Variants in SLC9A9 observed in about 807,000 individuals in gnomAD.
SLC9A9 encodes the protein solute carrier family 9 member A9.
Under a neutral mutation model 77.8 loss-of-function variants are expected in SLC9A9, and 62 were observed. That is an observed-to-expected ratio of 0.80 (90% confidence interval 0.65 to 0.98). The LOEUF is 0.98. Among genes scored for constraint, SLC9A9 ranks in the 50% least tolerant of loss-of-function variants. The pLI is 0.00. For missense variants in SLC9A9, 775 were observed against 774.9 expected, an observed-to-expected ratio of 1.00 and a Z score of 0.00; for synonymous variants, 320 against 283.5, an observed-to-expected ratio of 1.13 and a Z score of -1.29.
chr3:143,410,101 C>G (rs1235637657), intron 12 of SLC9A9, among the ~76,000 whole-genome samples: 1 of 152,140 alleles, frequency 6.6e-6, no homozygotes, highest in East Asian at 1.9e-4. Flanking sequence ...ACTCCCTGTC[C>G]CAATCTCCTA....
intron 5 of SLC9A9, among the ~76,000 whole-genome samples, chr3:143,690,490 TG>T: frequency 6.6e-6 from 1 of 152,152 alleles, no homozygotes; most frequent in East Asian, 1.9e-4. Context: ...CTAGGTGGGG[TG>T]CAGGAAATAC....
At chr3:143,804,703 A>C (rs924992159) in intron 2 of SLC9A9, among the ~76,000 whole-genome samples, 1 of 152,080 alleles carries the variant, frequency 6.6e-6, no homozygotes, top group African/African-American at 2.4e-5. Context: ...TGTTCCCCTC[A>C]TGACACCAAC....
At chr3:143,335,922 C>G (rs1007530069) in intron 14 of SLC9A9, among the ~76,000 whole-genome samples, 5 of 152,076 alleles carry the variant, frequency 3.3e-5, no homozygotes, top group African/African-American at 4.8e-5. Context: ...ACTACATCTT[C>G]TACATAAATT....
chr3:143,365,683 G>C (rs1207963906), intron 13 of SLC9A9, among the ~76,000 whole-genome samples: 3 of 152,056 alleles, frequency 2.0e-5, no homozygotes, highest in East Asian at 1.9e-4. Context: ...AGGAAACCAG[G>C]GTGTCTGGTT....
intron 12 of SLC9A9, among the ~76,000 whole-genome samples, chr3:143,409,251 AT>A (rs2108518290): frequency 6.6e-6 from 1 of 152,344 alleles, no homozygotes; most frequent in East Asian, 1.9e-4. Flanking sequence ...TGATTGAAAT[AT>A]GGCAAGCACA....
chr3:143,567,154 A>T (rs2037182035), intron 8 of SLC9A9, among the ~76,000 whole-genome samples: 1 of 152,142 alleles, frequency 6.6e-6, no homozygotes. Context: ...AGGGTCATGT[A>T]TTTACCCAAA....
chr3:143,834,124 A>G (rs2009506791), intron 1 of SLC9A9, among the ~76,000 whole-genome samples: 1 of 152,220 alleles, frequency 6.6e-6, no homozygotes, highest in African/African-American at 2.4e-5. Flanking sequence ...TCTTTCAAGA[A>G]TATTTTTATT....
At chr3:143,405,337 A>G (rs760123935) in intron 12 of SLC9A9, among the ~76,000 whole-genome samples, 12 of 151,988 alleles carry the variant, frequency 7.9e-5, no homozygotes, top group Non-Finnish European at 1.6e-4. Flanking sequence ...TAGACCTCCC[A>G]TTTTACCTCT....
rs114983608 is a variant in SLC9A9, at chr3:143,766,505, T to C, written c.533+28496A>G. 9.9e-3 allele frequency among the ~76,000 whole-genome samples: 1,513 copies of C among 152,262 alleles called. 32 individuals are homozygous for C. Among genetic ancestry groups the C allele is most frequent in the African/African-American group, 0.034 (1,418 of 41,552 alleles). On this transcript the variant is annotated intron_variant, in intron 4 of 15. Coordinates refer to ENST00000316549, the MANE Select transcript of SLC9A9 (RefSeq NM_173653.4). ...GGTGATTGCTTTAAACATTAAGGAA[T>C]TGCAAATGTGACTATTTCTACAACT... is the stretch of plus-strand genomic sequence containing the variant.
chr3:143,318,874 T>G (rs1010570378), intron 14 of SLC9A9, among the ~76,000 whole-genome samples: 1 of 152,126 alleles, frequency 6.6e-6, no homozygotes, highest in Non-Finnish European at 1.5e-5. Flanking sequence ...TTGGGAGAGA[T>G]GAGCTTGAGC....
intron 2 of SLC9A9, among the ~76,000 whole-genome samples, 158 bp from the exon 3 acceptor site, chr3:143,797,061 G>T (rs2008405173): frequency 6.6e-6 from 1 of 151,672 alleles, no homozygotes; most frequent in Non-Finnish European, 1.5e-5. Context: ...ATGAAAATTT[G>T]GAAATTCATA....
intron 4 of SLC9A9, among the ~76,000 whole-genome samples, chr3:143,756,255 A>C (rs1289916618): frequency 6.6e-6 from 1 of 152,234 alleles, no homozygotes; most frequent in African/African-American, 2.4e-5. Context: ...CTCAGGTTTC[A>C]GAAAAGAAAA....
At chr3:143,830,484 A>C (rs963298427) in intron 2 of SLC9A9, among the ~76,000 whole-genome samples, 2 of 152,218 alleles carry the variant, frequency 1.3e-5, no homozygotes, top group Non-Finnish European at 2.9e-5. Flanking sequence ...AGGAATAAAT[A>C]TGTGAATAAT....
chr3:143,502,754 TTAAA>T (rs1364313377), intron 9 of SLC9A9, among the ~76,000 whole-genome samples: 1 of 152,184 alleles, frequency 6.6e-6, no homozygotes, highest in Non-Finnish European at 1.5e-5. Context: ...AACCGAGATG[TTAAA>T]TAATCTCAAA....
At chr3:143,402,927 T>TTTTTTTTTTTTTTTTTTTTTAA in intron 12 of SLC9A9, among the ~76,000 whole-genome samples, 1 of 151,962 alleles carries the variant, frequency 6.6e-6, no homozygotes, top group Non-Finnish European at 1.5e-5. Context: ...TTTTGTTATT[T>TTTTTTTTTTTTTTTTTTTTTAA]TCTTAGTGGT....
chr3:143,329,469 A>T (rs2031700540), intron 14 of SLC9A9, among the ~76,000 whole-genome samples: 1 of 152,220 alleles, frequency 6.6e-6, no homozygotes, highest in African/African-American at 2.4e-5. Context: ...TTAGCAAAAC[A>T]ATTTTGATTT....
chr3:143,294,517 T>C lies in SLC9A9; in HGVS notation c.1605-25537A>G, dbSNP rs190154151. The stretch of plus-strand genomic sequence containing the variant: ...AGAAGTTCCAGTTTCTATTTTACAT[T>C]AACTTGGTGAGGAAATCAACTGGAT... On this transcript the variant is annotated intron_variant, in intron 14 of 15. Coordinates refer to ENST00000316549, the MANE Select transcript of SLC9A9 (RefSeq NM_173653.4). Among the ~76,000 whole-genome samples the C allele has an allele frequency of 2.3e-3, 344 of 152,296 alleles. 2 individuals are homozygous for C. The highest frequency in any genetic ancestry group is 8.2e-3 in the African/African-American group (340 of 41,566).
intron 9 of SLC9A9, among the ~76,000 whole-genome samples, chr3:143,518,501 T>C (rs1418878986): frequency 6.6e-6 from 1 of 152,250 alleles, no homozygotes; most frequent in Non-Finnish European, 1.5e-5. Context: ...TGGGATTCCA[T>C]CCCATCGTGT....
intron 13 of SLC9A9, among the ~76,000 whole-genome samples, chr3:143,369,924 C>T (rs1237315056): frequency 1.3e-5 from 2 of 152,196 alleles, no homozygotes; most frequent in African/African-American, 4.8e-5. Context: ...ATTAAGTATG[C>T]CTGCCAATGG....
Sources: allele counts gnomAD v4.1 joint callset (sites outside exome capture counted in the v4.1 genomes callset), GRCh38; gene constraint gnomAD v4.1.1; transcripts MANE v1.5; gene names NCBI Gene and HGNC (gene_info 2026-07-23, HGNC 2026-07-21).